The following BCL2L13 variants were observed in gnomAD, a reference collection of about 807,000 sequenced individuals.
The protein encoded by BCL2L13 is BCL2 like 13.
BCL2L13 carries 13 observed loss-of-function variants against 25.8 expected under a neutral mutation model. The observed-to-expected ratio is 0.50, with a 90% CI of 0.33 to 0.80. The LOEUF (loss-of-function observed/expected upper bound fraction) is 0.80. Ranked by LOEUF, BCL2L13 falls within the 30% of genes least tolerant of loss-of-function variation. The pLI is 0.02. For synonymous variants in BCL2L13, 244 were observed against 230.3 expected (o/e 1.06, Z -0.54); for missense variants, 504 against 574.9 (o/e 0.88, Z 1.26).
chr22:17,630,586 C>CTTTTTTTTT lies in BCL2L13; in HGVS notation c.-650+1585_-650+1586insTTTTTTTTT, dbSNP rs34181282. Among the ~76,000 whole-genome samples, 16 of 126,248 alleles carry CTTTTTTTTT rather than the reference C, an allele frequency of 1.3e-4. 2 individuals are homozygous for CTTTTTTTTT. The highest frequency in any genetic ancestry group is 2.8e-4 in the African/African-American group (8 of 28,200). The allele number at this position is 126,248 out of a possible 152,430, so 82.8% of individuals were successfully genotyped here. On this transcript the variant is annotated intron_variant, in intron 1 of 6. Transcript: ENST00000399782. Reference sequence around the variant, plus strand: ...AGCCACTGCACCCGGCCTTCTTTTTCTTTTCTTTTTTTTTTTTTTTTTGAG... The same window carrying CTTTTTTTTT: ...AGCCACTGCACCCGGCCTTCTTTTTCTTTTTTTTTTTTTCTTTTTTTTTTTTTTTTTGAG...
At chr22:17,635,224 C>CAA (rs11414678), upstream of BCL2L13, among the ~76,000 whole-genome samples, 25 of 145,556 alleles carry the variant, frequency 1.7e-4, no homozygotes, top group Admixed American at 2.1e-4. Context: ...GCTATCTCTA[C>CAA]AAAAAAAAAA....
At chr22:17,655,947 G>A in intron 2 of BCL2L13, 115 bp downstream of exon 2, 1 of 1,118,952 alleles carries the variant, frequency 8.9e-7, no homozygotes, top group Non-Finnish European at 1.2e-6. Context: ...AAGCCTGTAA[G>A]AATAACCTGT....
At chr22:17,695,185 C>T (rs2060227304) in intron 4 of BCL2L13, among the ~76,000 whole-genome samples, 1 of 152,210 alleles carries the variant, frequency 6.6e-6, no homozygotes, top group African/African-American at 2.4e-5. Flanking sequence ...GCACCCATCA[C>T]TTCCACCCAC....
intron 1 of BCL2L13, among the ~76,000 whole-genome samples, chr22:17,631,662 GTGTGTGTGTATATATATATA>G (rs1338056838): frequency 0.069 from 2,211 of 32,068 alleles, 117 homozygotes; most frequent in Middle Eastern, 0.096. Flanking sequence ...GTATGTATGT[GTGTGTGTGTATATATATATA>G]TATATATATA....
At chr22:17,670,581 T>C (rs891935414) in intron 2 of BCL2L13, among the ~76,000 whole-genome samples, 1 of 151,862 alleles carries the variant, frequency 6.6e-6, no homozygotes, top group Non-Finnish European at 1.5e-5. Flanking sequence ...TCCATGTTGG[T>C]CAGGCTGGTC....
At chr22:17,636,056 G>A (rs949634258), upstream of BCL2L13, among the ~76,000 whole-genome samples, 9 of 151,758 alleles carry the variant, frequency 5.9e-5, no homozygotes, top group Non-Finnish European at 1.2e-4. Context: ...TGGGGCGGTG[G>A]CTCACGCCTG....
chr22:17,728,170 A>C lies in BCL2L13; in HGVS notation c.*636A>C, dbSNP rs2061345066. The C allele has an allele frequency of 6.5e-6, 1 of 154,692 alleles. No individual in the cohort carries two copies. Among genetic ancestry groups the C allele is most frequent in the Non-Finnish European group, 1.4e-5 (1 of 69,652 alleles). The allele number at this position is 154,692 out of a possible 1,614,324, so 9.6% of individuals were successfully genotyped here. On this transcript the variant is annotated 3_prime_UTR_variant, in exon 7 of 7. Coordinates refer to ENST00000317582, the MANE Select transcript of BCL2L13 (RefSeq NM_015367.4). ...TGTGAGGGTGCTCGCCCGTACTCTC[A>C]GCTGCCTCTCAGGGACTGCACTGTT...
upstream of BCL2L13, among the ~76,000 whole-genome samples, chr22:17,637,429 C>G (rs889247285): frequency 4.1e-5 from 6 of 147,262 alleles, no homozygotes; most frequent in Non-Finnish European, 7.5e-5. Context: ...AAAAAGTCTT[C>G]ATTTTTGGTT....
chr22:17,710,353 G>A (rs1252112764), intron 6 of BCL2L13, among the ~76,000 whole-genome samples: 1 of 152,096 alleles, frequency 6.6e-6, no homozygotes, highest in Non-Finnish European at 1.5e-5. Flanking sequence ...GGCCGAGGCA[G>A]GCAGATCATT....
At chr22:17,632,878 C>T (rs900968834) in intron 1 of BCL2L13, among the ~76,000 whole-genome samples, 11 of 151,546 alleles carry the variant, frequency 7.3e-5, no homozygotes, top group Admixed American at 2.0e-4. Context: ...CTCAGCCTCC[C>T]GAGTAGCTGA....
At chr22:17,648,560 A>T (rs939573895) in intron 1 of BCL2L13, among the ~76,000 whole-genome samples, 5 of 152,054 alleles carry the variant, frequency 3.3e-5, no homozygotes, top group Non-Finnish European at 7.4e-5. Flanking sequence ...TAAAAAAAAA[A>T]GTTGCATGGC....
intron 1 of BCL2L13, among the ~76,000 whole-genome samples, chr22:17,631,608 C>T (rs1192924797): frequency 2.9e-5 from 4 of 139,298 alleles, no homozygotes; most frequent in African/African-American, 1.1e-4. Flanking sequence ...AGGGGATCCT[C>T]CCACCTCAGC....
chr22:17,673,619 C>T (rs9604784), intron 2 of BCL2L13, among the ~76,000 whole-genome samples: 13,978 of 151,266 alleles, frequency 0.092, 757 homozygotes, highest in Non-Finnish European at 0.11. Context: ...CCTCGTGATC[C>T]GCCTGCCTCG....
chr22:17,629,818 T>TACACACACACACAC lies in BCL2L13; in HGVS notation c.-650+830_-650+843dup, dbSNP rs3044578. 6.7e-3 allele frequency among the ~76,000 whole-genome samples: 991 copies of TACACACACACACAC among 148,158 alleles called. 5 individuals carry two copies. Among genetic ancestry groups the TACACACACACACAC allele is most frequent in the African/African-American group, 0.021 (864 of 40,258 alleles). Reference sequence around the variant, plus strand: ...CATGTACATTAACACTTTATTTTCATACACACACACACACACACACACACA... The same window carrying TACACACACACACAC: ...CATGTACATTAACACTTTATTTTCATACACACACACACACACACACACACACACACACACACACA... On this transcript the variant is annotated intron_variant, in intron 1 of 6. Coordinates refer to the BCL2L13 transcript ENST00000399782.
intron 1 of BCL2L13, among the ~76,000 whole-genome samples, chr22:17,648,004 C>G (rs2058553667): frequency 6.6e-6 from 1 of 152,004 alleles, no homozygotes; most frequent in Admixed American, 6.6e-5. Context: ...GTGGCACACC[C>G]CTGTAGTCCG....
chr22:17,709,487 C>T (rs1175550751), intron 6 of BCL2L13, among the ~76,000 whole-genome samples: 4 of 151,976 alleles, frequency 2.6e-5, no homozygotes, highest in African/African-American at 7.3e-5. Flanking sequence ...CCCAGCAACT[C>T]GGGAGGCTGA....
At chr22:17,658,696 C>CAAAAA (rs34033346) in intron 2 of BCL2L13, among the ~76,000 whole-genome samples, 1 of 104,920 alleles carries the variant, frequency 9.5e-6, no homozygotes, top group Non-Finnish European at 1.8e-5. Flanking sequence ...ACTCTGTCAC[C>CAAAAA]AAAAAAAAAA....
At position 17,726,953 on chromosome 22, in the gene BCL2L13, G is replaced by T; in HGVS notation, c.877G>T (p.Gly293Ter). The T allele has an allele frequency of 6.2e-7, 1 of 1,614,178 alleles. No individual in the cohort carries two copies. The highest frequency in any genetic ancestry group is 8.5e-7 in the Non-Finnish European group (1 of 1,180,034). The change falls in exon 7 of 7, where the codon GGA (glycine) becomes TGA (stop). Residue 293 changes from glycine to a stop codon, truncating the protein, a stop_gained. Transcript: ENST00000317582. LOFTEE classifies it low-confidence loss of function (END_TRUNC). Reference sequence around the variant, plus strand: ...AGAAGTGAAAAGCTTAGACAGCAACGGAGCTGGAGAGAAGAGTGAGAACAA... The same window carrying T: ...AGAAGTGAAAAGCTTAGACAGCAACTGAGCTGGAGAGAAGAGTGAGAACAA... ...PEEVKSLDSNGAGEKSENNSS... is the reference protein window; with the variant it reads ...PEEVKSLDSN
chr22:17,689,525 A>T (rs756634089), intron 4 of BCL2L13, among the ~76,000 whole-genome samples: 2 of 152,140 alleles, frequency 1.3e-5, no homozygotes, highest in African/African-American at 2.4e-5. Context: ...GATTAACATT[A>T]TATCTGTATT....
Sources: gnomAD v4.1 joint callset for allele counts (sites outside exome capture counted in the v4.1 genomes callset) on GRCh38, gnomAD v4.1.1 for gene constraint, MANE v1.5 for transcripts, NCBI Gene and HGNC (gene_info 2026-07-23, HGNC 2026-07-21) for gene names.